The following MALT1 variants were observed in gnomAD, a reference collection of about 807,000 sequenced individuals.
The protein encoded by MALT1 is mucosa-associated lymphoid tissue lymphoma translocation protein 1.
Under a neutral mutation model 85.5 loss-of-function variants are expected in MALT1, and 36 were observed. That is an observed-to-expected ratio of 0.42 (90% CI 0.32 to 0.56). The LOEUF is 0.56. Among genes scored for constraint, MALT1 ranks in the 20% least tolerant of loss-of-function variants. The probability of loss-of-function intolerance (pLI) is 0.10; values close to 1 mark genes in which losing one functional copy is unlikely to be tolerated. For synonymous variants in MALT1, 359 were observed against 361.3 expected (o/e 0.99, Z 0.07); for missense variants, 716 against 981.6 (o/e 0.73, Z 3.62).
rs1461196680 is a variant in MALT1 at position 58,723,191 on chromosome 18, G to A, written c.1162G>A (p.Glu388Lys). 6.2e-7 allele frequency: 1 copy of A among 1,613,786 alleles called. No individual in the cohort carries two copies. The highest frequency in any genetic ancestry group is 1.3e-5 in the African/African-American group (1 of 74,880). Residue 388 changes from glutamate (E) to lysine (K), a missense_variant, in exon 10 of 17, where the codon GAA (glutamate) becomes AAA (lysine). Glu to Lys is a moderately conservative substitution (Grantham distance 56). Around this residue, in one of 4 missense-constraint regions of MALT1, gnomAD observed 86 missense variants for 212.3 expected, o/e 0.41. Transcript: ENST00000649217. ...FKVVSLLDLT[E>K]YEMRNAVDEF... The stretch of plus-strand genomic sequence containing the variant: ...AGTGGTTTCACTGTTGGATCTTACT[G>A]AATATGAGATGCGTAATGCTGTGGA...
chr18:58,747,489 G>T lies in MALT1; in HGVS notation c.2122G>T (p.Gly708Trp), dbSNP rs761722071. ...TVEDKQEVNV[G>W]KPLIAKLDMH... ...AGAGGACAAGCAGGAAGTGAATGTT[G>T]GGAAACCTCTCATTGCTAAATTAGA... The change falls in exon 17 of 17, where the codon GGG becomes TGG. Residue 708 changes from glycine (G) to tryptophan (W), a missense_variant. Physicochemically the swap from Gly to Trp is radical, Grantham distance 184. Transcript: ENST00000649217. The T allele has an allele frequency of 6.2e-7, 1 of 1,613,838 alleles. No individual in the cohort carries two copies. Among genetic ancestry groups the T allele is most frequent in the Admixed American group, 1.7e-5 (1 of 60,022 alleles).
chr18:58,746,872 C>T lies in MALT1; in HGVS notation c.2038-533C>T, dbSNP rs575662619. On this transcript the variant is annotated intron_variant, in intron 16 of 16. Coordinates refer to ENST00000649217, the MANE Select transcript of MALT1 (RefSeq NM_006785.4). ...CCTCCCGAGTAGCCAGGACTACAGG[C>T]GCACACCACCATGCCCAGTTAATTT... 1.2e-4 allele frequency among the ~76,000 whole-genome samples: 18 copies of T among 152,136 alleles called. 1 individual carries two copies. The highest frequency in any genetic ancestry group is 2.4e-4 in the African/African-American group (10 of 41,498).
At chr18:58,693,632 C>T (rs953442129) in intron 2 of MALT1, among the ~76,000 whole-genome samples, 52 of 152,176 alleles carry the variant, frequency 3.4e-4, no homozygotes, top group Non-Finnish European at 1.3e-4. Flanking sequence ...ATTTACCATT[C>T]TGAAAATCCT....
At position 58,671,723 on chromosome 18, in the gene MALT1, G is replaced by C; in HGVS notation, c.80G>C (p.Gly27Ala). Residue 27 changes from glycine to alanine, a missense_variant, in exon 1 of 17, where the codon GGC (glycine) becomes GCC (alanine). Gly to Ala is a moderately conservative substitution (Grantham distance 60). Around this residue, in one of 4 missense-constraint regions of MALT1, gnomAD observed 80 missense variants for 65.1 expected, o/e 1.23. Coordinates refer to ENST00000649217, the MANE Select transcript of MALT1 (RefSeq NM_006785.4). ...PTGPLLAPPA[G>A]ATLNRLREPL... ...GGGCCGCTGCTCGCCCCTCCGGCCG[G>C]CGCGACCCTCAACCGCCTGCGGGAG... 7.8e-7 allele frequency: 1 copy of C among 1,281,802 alleles called. No homozygotes were observed. The highest frequency in any genetic ancestry group is 9.9e-7 in the Non-Finnish European group (1 of 1,014,316). The allele number at this position is 1,281,802 out of a possible 1,614,324, so 79.4% of individuals were successfully genotyped here.
intron 10 of MALT1, among the ~76,000 whole-genome samples, chr18:58,730,571 TTAA>T (rs1304642899): frequency 1.3e-5 from 2 of 152,234 alleles, no homozygotes; most frequent in Non-Finnish European, 2.9e-5. Context: ...TTGGACATGA[TTAA>T]TAATACTGCT....
intron 3 of MALT1, among the ~76,000 whole-genome samples, chr18:58,697,609 G>A (rs1402359894): frequency 6.6e-6 from 1 of 152,124 alleles, no homozygotes; most frequent in Non-Finnish European, 1.5e-5. Flanking sequence ...TTTATTAAAT[G>A]CCCTTTGAGG....
chr18:58,693,597 C>G (rs1005464655), intron 2 of MALT1, among the ~76,000 whole-genome samples: 3 of 152,182 alleles, frequency 2.0e-5, no homozygotes, highest in African/African-American at 7.2e-5. Context: ...ATGCAGCTGA[C>G]AACTTTACGT....
intron 10 of MALT1, among the ~76,000 whole-genome samples, chr18:58,724,227 CAAA>C (rs2055022959): frequency 6.6e-6 from 1 of 152,044 alleles, no homozygotes; most frequent in African/African-American, 2.4e-5. Context: ...TTTAATGGAA[CAAA>C]AGCTTTTTTT....
intron 10 of MALT1, among the ~76,000 whole-genome samples, chr18:58,729,672 T>A (rs778756041): frequency 3.9e-5 from 6 of 152,102 alleles, no homozygotes; most frequent in Non-Finnish European, 8.8e-5. Flanking sequence ...TAAAATTAGA[T>A]TGTGTATATG....
Position 58,671,604 on chromosome 18 carries a change from G to C in MALT1, c.-40G>C. 1 of 1,190,002 alleles carries C rather than the reference G, an allele frequency of 8.4e-7. No homozygotes were observed. The highest frequency in any genetic ancestry group is 1.0e-6 in the Non-Finnish European group (1 of 955,782). The allele number at this position is 1,190,002 out of a possible 1,614,324, so 73.7% of individuals were successfully genotyped here. A position where few individuals can be genotyped will look rare whatever the true frequency, so the allele number is the denominator to read the frequency against. ...CCGGGGCCGAGGCCCGTGACGGGGC[G>C]GGCGGGAGCCCCGGCAGTCCGGGGT... On this transcript the variant is annotated 5_prime_UTR_variant, in exon 1 of 17. Coordinates refer to ENST00000649217, the MANE Select transcript of MALT1 (RefSeq NM_006785.4).
chr18:58,747,866 A>AT lies in MALT1; in HGVS notation c.*25dup. The AT allele has an allele frequency of 6.3e-7, 1 of 1,575,126 alleles. No individual in the cohort carries two copies. Among genetic ancestry groups the AT allele is most frequent in the African/African-American group, 1.3e-5 (1 of 74,148 alleles). ...GACCTCCTTGTTTTTGAAAGTTAGC[A>AT]TAATTTTAGATGCCTGTGAAATAGT... On this transcript the variant is annotated 3_prime_UTR_variant, in exon 17 of 17. Coordinates refer to ENST00000649217, the MANE Select transcript of MALT1 (RefSeq NM_006785.4).
At chr18:58,692,323 G>T (rs748036885) in intron 2 of MALT1, among the ~76,000 whole-genome samples, 99 of 152,046 alleles carry the variant, frequency 6.5e-4, no homozygotes, top group Admixed American at 2.6e-4. Context: ...TTGTTTTGGG[G>T]TGCCACAAAT....
intron 2 of MALT1, among the ~76,000 whole-genome samples, chr18:58,696,008 G>A (rs1468372351): frequency 6.6e-6 from 1 of 152,214 alleles, no homozygotes; most frequent in African/African-American, 2.4e-5. Flanking sequence ...ACTACCCTGT[G>A]GCTGTGCCTG....
rs903593943 is a variant in MALT1 at position 58,747,590 on chromosome 18, A to G, written c.2223A>G (p.Ala741=). The G allele has an allele frequency of 3.3e-5, 53 of 1,614,104 alleles. No individual in the cohort carries two copies. The highest frequency in any genetic ancestry group is 3.9e-5 in the Non-Finnish European group (46 of 1,180,040). ...LMSNGPYQSS[A]ATSGGAGHYH... Reference sequence around the variant, plus strand: ...CTAATGGTCCTTACCAGAGTTCTGCAGCCACCTCAGGAGGAGCAGGGCATT... The same window carrying G: ...CTAATGGTCCTTACCAGAGTTCTGCGGCCACCTCAGGAGGAGCAGGGCATT... The change falls in exon 17 of 17, where the codon GCA becomes GCG. Residue 741 remains alanine (A), a synonymous_variant. Coordinates refer to ENST00000649217, the MANE Select transcript of MALT1 (RefSeq NM_006785.4).
chr18:58,692,958 C>T (rs1031152216), intron 2 of MALT1, among the ~76,000 whole-genome samples: 4 of 152,272 alleles, frequency 2.6e-5, no homozygotes, highest in Non-Finnish European at 4.4e-5. Context: ...CAGAGTGAGG[C>T]CCTAACTCGC....
At chr18:58,721,921 C>T (rs577175514) in intron 9 of MALT1, among the ~76,000 whole-genome samples, 6 of 152,236 alleles carry the variant, frequency 3.9e-5, no homozygotes, top group African/African-American at 1.4e-4. Context: ...TCTACCCAGG[C>T]GGCTCTTCAG....
intron 2 of MALT1, chr18:58,691,313 A>G (rs4940740): frequency 0.054 from 42,861 of 796,982 alleles, 2,741 homozygotes; most frequent in African/African-American, 0.27. Context: ...ATAGCCTTCA[A>G]CCAGATCAGC....
At position 58,748,853 on chromosome 18, in the gene MALT1, A is replaced by AAATT. The variant is rs1408485484; in HGVS notation, c.*1013_*1016dup. The AAATT allele has an allele frequency of 2.9e-5, 6 of 205,444 alleles. No homozygotes were observed. Among genetic ancestry groups the AAATT allele is most frequent in the African/African-American group, 1.4e-4 (6 of 43,802 alleles). 12.7% of individuals were successfully genotyped at this position (205,444 alleles called of 1,614,324 possible). A position where few individuals can be genotyped will look rare whatever the true frequency, so the allele number is the denominator to read the frequency against. ...CATTGTTGAATTCTGCCAAACATTA[A>AAATT]AATTAGCACTAATTTTTTGCACACT... is the stretch of plus-strand genomic sequence containing the variant. On this transcript the variant is annotated 3_prime_UTR_variant, in exon 17 of 17. Transcript: ENST00000649217.
intron 9 of MALT1, among the ~76,000 whole-genome samples, chr18:58,718,737 G>A (rs2054939371): frequency 6.6e-6 from 1 of 152,140 alleles, no homozygotes; most frequent in Non-Finnish European, 1.5e-5. Flanking sequence ...GAATAATATA[G>A]TACATGCTAC....
Sources: gnomAD v4.1 joint callset for allele counts (sites outside exome capture counted in the v4.1 genomes callset) on GRCh38, gnomAD v4.1.1 for gene constraint, gnomAD v4.1.1 regional missense constraint, MANE v1.5 for transcripts, NCBI Gene and HGNC (gene_info 2026-07-23, HGNC 2026-07-21) for gene names.